NFIA: variants seen among roughly 807,000 people sequenced by gnomAD.
NFIA encodes nuclear factor I A.
A neutral mutation model predicts 62.8 loss-of-function variants in NFIA; 8 were observed. That is an observed-to-expected ratio of 0.13 (90% CI 0.07 to 0.23). The LOEUF is 0.23. Among genes scored for constraint, NFIA ranks in the 10% least tolerant of loss-of-function variants. The pLI is 1.00. For missense variants in NFIA, 410 were observed against 642.1 expected (o/e 0.64, Z 3.91); for synonymous variants, 235 against 238.1 (o/e 0.99, Z 0.12).
intron 2 of NFIA, among the ~76,000 whole-genome samples, chr1:61,128,557 T>C (rs140776332): frequency 0.012 from 1,772 of 152,218 alleles, 20 homozygotes; most frequent in Middle Eastern, 0.065. Context: ...TGAGCCACTG[T>C]ACCCCAACCT....
chr1:61,082,379 C>G (rs867645528), upstream of NFIA: 2 of 678,472 alleles, frequency 2.9e-6, no homozygotes, highest in African/African-American at 2.0e-5. Context: ...CCCCTCCCCC[C>G]CGCGGCGGCG....
intron 2 of NFIA, among the ~76,000 whole-genome samples, chr1:61,169,517 G>T (rs917640641): frequency 2.0e-5 from 3 of 152,164 alleles, no homozygotes; most frequent in Admixed American, 1.3e-4. Flanking sequence ...GTGGAAAGGG[G>T]TCCACAATTT....
chr1:61,227,970 G>C lies in NFIA; in HGVS notation c.560-49550G>C, dbSNP rs182267471. 2.3e-3 allele frequency among the ~76,000 whole-genome samples: 344 copies of C among 152,204 alleles called. 1 individual carries two copies. The highest frequency in any genetic ancestry group is 7.9e-3 in the African/African-American group (327 of 41,522). ...TTATTTTCTATCACTATTGTGGTCT[G>C]TACATTCTCAAGTTGATGCCATTTC... On this transcript the variant is annotated intron_variant, in intron 2 of 10. Coordinates refer to ENST00000403491, the MANE Select transcript of NFIA (RefSeq NM_001134673.4).
At chr1:61,179,148 T>G (rs1650585730) in intron 2 of NFIA, among the ~76,000 whole-genome samples, 1 of 152,240 alleles carries the variant, frequency 6.6e-6, no homozygotes, top group Non-Finnish European at 1.5e-5. Flanking sequence ...CAGCTCCAGG[T>G]GACCTCCACG....
intron 2 of NFIA, among the ~76,000 whole-genome samples, chr1:61,157,515 T>C (rs1648899459): frequency 6.6e-6 from 1 of 152,232 alleles, no homozygotes; most frequent in Admixed American, 6.5e-5. Context: ...AAACAGAGTA[T>C]GTTGGTTCTG....
At chr1:61,331,739 AGTT>A (rs1237085884) in intron 3 of NFIA, among the ~76,000 whole-genome samples, 1 of 152,122 alleles carries the variant, frequency 6.6e-6, no homozygotes, top group East Asian at 2.0e-4. Context: ...GTCATTTATA[AGTT>A]CTATGTTTCT....
At chr1:61,129,004 G>C (rs1056107884) in intron 2 of NFIA, among the ~76,000 whole-genome samples, 8 of 126,446 alleles carry the variant, frequency 6.3e-5, no homozygotes, top group Non-Finnish European at 1.3e-4. Context: ...CTCACTGCAA[G>C]CTCCGCCTCC....
chr1:61,297,701 G>A (rs1659260826), intron 3 of NFIA, among the ~76,000 whole-genome samples: 1 of 152,114 alleles, frequency 6.6e-6, no homozygotes, highest in Non-Finnish European at 1.5e-5. Context: ...ACTTTTTTAT[G>A]CAGGTGATAG....
intron 2 of NFIA, among the ~76,000 whole-genome samples, chr1:61,154,228 A>G (rs940312647): frequency 6.6e-6 from 1 of 152,112 alleles, no homozygotes. Context: ...GGCTCACTGC[A>G]ACCAAGTGAG....
rs1224099750 is a variant in NFIA, at chr1:61,319,526, CTG to C, written c.626-12978_626-12977del. 2.6e-5 allele frequency among the ~76,000 whole-genome samples: 4 copies of C among 152,128 alleles called. No homozygotes were observed. The East Asian group carries it at 5.8e-4, about 22-fold the overall frequency. Reference sequence around the variant, plus strand: ...CTGAGTCCTTATTCAAGCTGTGTGTCTGTGTGTGTCTGTCTGTTTGCGAGTGA... The same window carrying C: ...CTGAGTCCTTATTCAAGCTGTGTGTCTGTGTGTCTGTCTGTTTGCGAGTGA... On this transcript the variant is annotated intron_variant, in intron 3 of 10. Transcript: ENST00000403491.
chr1:61,447,720 G>A (rs1191374322), intron 10 of NFIA, among the ~76,000 whole-genome samples: 1 of 152,176 alleles, frequency 6.6e-6, no homozygotes, highest in Admixed American at 6.5e-5. Flanking sequence ...GAAAAAGCAG[G>A]AAATAAGCTG....
chr1:61,219,898 G>C (rs895932148), intron 2 of NFIA, among the ~76,000 whole-genome samples: 1 of 152,148 alleles, frequency 6.6e-6, no homozygotes, highest in African/African-American at 2.4e-5. Context: ...GGGAGGCAGA[G>C]GTTGCAGTGA....
chr1:61,108,960 TTTAGG>T (rs1351565127), intron 2 of NFIA, among the ~76,000 whole-genome samples: 1 of 151,804 alleles, frequency 6.6e-6, no homozygotes, highest in Non-Finnish European at 1.5e-5. Context: ...AATTAATTAT[TTTAGG>T]TATTTCAGGG....
intron 2 of NFIA, among the ~76,000 whole-genome samples, chr1:61,127,238 G>A (rs1251356040): frequency 2.2e-4 from 34 of 151,124 alleles, no homozygotes; most frequent in Non-Finnish European, 4.4e-5. Flanking sequence ...TGGATGGATC[G>A]CGAGGTCAGG....
intron 2 of NFIA, among the ~76,000 whole-genome samples, chr1:61,199,440 G>GCTAA (rs1652263256): frequency 6.6e-6 from 1 of 152,154 alleles, no homozygotes; most frequent in Non-Finnish European, 1.5e-5. Flanking sequence ...TGTGGCAACT[G>GCTAA]CTAACACTCT....
intron 2 of NFIA, among the ~76,000 whole-genome samples, chr1:61,228,423 T>C (rs1654463247): frequency 6.6e-6 from 1 of 152,200 alleles, no homozygotes; most frequent in Admixed American, 6.5e-5. Flanking sequence ...TAACCACCCA[T>C]CTGTGCATCC....
At chr1:61,139,388 G>T (rs867681295) in intron 2 of NFIA, among the ~76,000 whole-genome samples, 1 of 152,188 alleles carries the variant, frequency 6.6e-6, no homozygotes, top group African/African-American at 2.4e-5. Flanking sequence ...GAGGGGCTCC[G>T]TGCAGCTTGC....
intron 9 of NFIA, among the ~76,000 whole-genome samples, chr1:61,418,666 C>A (rs1255214870): frequency 1.3e-5 from 2 of 152,056 alleles, no homozygotes; most frequent in East Asian, 1.9e-4. Context: ...GCAAAATATT[C>A]CAATGTATGG....
intron 4 of NFIA, among the ~76,000 whole-genome samples, chr1:61,333,510 C>T (rs111304381): frequency 2.6e-5 from 4 of 152,246 alleles, no homozygotes; most frequent in African/African-American, 9.6e-5. Flanking sequence ...GTCTTGAGAG[C>T]ACAGAATGTG....
Sources: gnomAD v4.1 joint callset for allele counts (sites outside exome capture counted in the v4.1 genomes callset) on GRCh38, gnomAD v4.1.1 for gene constraint, MANE v1.5 for transcripts, NCBI Gene and HGNC (gene_info 2026-07-23, HGNC 2026-07-21) for gene names.